AGTPBP1: variants seen among roughly 807,000 people sequenced by gnomAD.
AGTPBP1 encodes cytosolic carboxypeptidase 1.
AGTPBP1 carries 70 observed loss-of-function variants against 143.9 expected under a neutral mutation model. The ratio of observed to expected loss-of-function variants is 0.49; its 90% confidence interval spans 0.40 to 0.59. The LOEUF is 0.59. AGTPBP1 is among the 20% of genes least tolerant of loss of function. AGTPBP1 has a pLI of 0.00. For synonymous variants in AGTPBP1, 463 were observed against 500.2 expected, an observed-to-expected ratio of 0.93 and a Z score of 0.99; for missense variants, 1,229 against 1,464.5, an observed-to-expected ratio of 0.84 and a Z score of 2.62.
At chr9:85,688,345 T>C (rs963118805) in intron 3 of AGTPBP1, among the ~76,000 whole-genome samples, 2 of 152,080 alleles carry the variant, frequency 1.3e-5, no homozygotes, top group Non-Finnish European at 2.9e-5. Context: ...GGCTGATCTA[T>C]ATATTATAGA....
the AGTPBP1 span, among the ~76,000 whole-genome samples, chr9:85,761,257 G>A: frequency 6.6e-6 from 1 of 152,172 alleles, no homozygotes; most frequent in Non-Finnish European, 1.5e-5. Context: ...TTTCTTCACA[G>A]AATTGGAAAA....
At chr9:85,803,515 G>A in the AGTPBP1 span, among the ~76,000 whole-genome samples, 1 of 152,154 alleles carries the variant, frequency 6.6e-6, no homozygotes, top group East Asian at 1.9e-4. Flanking sequence ...TGCTGGTTCA[G>A]CAGGTCTGGG....
At chr9:85,764,597 A>G in the AGTPBP1 span, 1 of 568,854 alleles carries the variant, frequency 1.8e-6, no homozygotes, top group African/African-American at 1.9e-5. Context: ...CAATAATGTA[A>G]AAACTAAAAA....
the AGTPBP1 span, among the ~76,000 whole-genome samples, chr9:85,798,057 A>ATTT: frequency 1.9e-4 from 26 of 135,600 alleles, no homozygotes; most frequent in African/African-American, 7.0e-4. Flanking sequence ...CACATCGGCT[A>ATTT]TTTTTTTTTT....
chr9:85,794,394 G>A, the AGTPBP1 span, among the ~76,000 whole-genome samples: 2 of 152,102 alleles, frequency 1.3e-5, no homozygotes, highest in Non-Finnish European at 1.5e-5. Context: ...ATCCAGTTGT[G>A]TCAATACAAT....
chr9:85,566,303 C>T (rs1045702231), intron 25 of AGTPBP1, among the ~76,000 whole-genome samples: 9 of 151,354 alleles, frequency 5.9e-5, no homozygotes, highest in African/African-American at 1.9e-4. Context: ...GAAGACTGCT[C>T]GAGCCCAGGA....
intron 25 of AGTPBP1, among the ~76,000 whole-genome samples, chr9:85,552,709 A>G (rs1244618255): frequency 6.6e-6 from 1 of 152,226 alleles, no homozygotes; most frequent in Non-Finnish European, 1.5e-5. Flanking sequence ...ACCTTTCTCA[A>G]TTCCTAAAGA....
the AGTPBP1 span, among the ~76,000 whole-genome samples, chr9:85,764,156 C>T: frequency 2.0e-5 from 3 of 149,640 alleles, no homozygotes; most frequent in Non-Finnish European, 4.4e-5. Flanking sequence ...AAAACCTAGT[C>T]AAGGCAATTC....
intron 3 of AGTPBP1, among the ~76,000 whole-genome samples, 167 bp downstream of exon 3, chr9:85,692,522 C>T (rs1049542424): frequency 6.6e-6 from 1 of 152,104 alleles, no homozygotes; most frequent in Non-Finnish European, 1.5e-5. Flanking sequence ...GATCTGCCCA[C>T]CTTGGCCTCC....
chr9:85,738,872 G>A (rs1824013698), intron 1 of AGTPBP1, among the ~76,000 whole-genome samples: 1 of 151,838 alleles, frequency 6.6e-6, no homozygotes, highest in African/African-American at 2.4e-5. Context: ...TCCTTTTTCT[G>A]CTTACTAGAT....
At chr9:85,721,319 G>T (rs1192638975) in intron 1 of AGTPBP1, among the ~76,000 whole-genome samples, 1 of 152,058 alleles carries the variant, frequency 6.6e-6, no homozygotes, top group Non-Finnish European at 1.5e-5. Context: ...TGGTCTCTAA[G>T]GACTTGCTTT....
Position 85,618,998 on chromosome 9 carries a change from T to G in AGTPBP1, c.2320A>C (p.Ser774Arg). The change falls in exon 17 of 26, where the codon AGT (serine) becomes CGT (arginine). Residue 774 changes from serine to arginine, a missense_variant. This residue lies in a region of AGTPBP1 where 486 missense variants were observed against 652.3 expected (regional missense o/e 0.75). Coordinates refer to ENST00000357081, the MANE Select transcript of AGTPBP1 (RefSeq NM_001330701.2). ...ACTGTCTTACCATAATTAAACTGACTGTTGGACTTTTCACAGTTAATGATG... is the reference window on the plus strand; with the variant it reads ...ACTGTCTTACCATAATTAAACTGACGGTTGGACTTTTCACAGTTAATGATG... ...FNIINCEKSN[S>R]QFNYGMQPLM... is the part of the protein sequence containing the mutation. The G allele has an allele frequency of 3.1e-6, 5 of 1,613,388 alleles. No homozygotes were observed. Among genetic ancestry groups the G allele is most frequent in the Non-Finnish European group, 4.2e-6 (5 of 1,179,696 alleles).
At chr9:85,621,595 T>C (rs1564072268) in intron 14 of AGTPBP1, among the ~76,000 whole-genome samples, 1 of 151,998 alleles carries the variant, frequency 6.6e-6, no homozygotes, top group African/African-American at 2.4e-5. Context: ...GGTTTCGCTA[T>C]CTAACCCTTG....
At chr9:85,757,181 C>A in the AGTPBP1 span, among the ~76,000 whole-genome samples, 18 of 152,270 alleles carry the variant, frequency 1.2e-4, no homozygotes, top group South Asian at 2.1e-4. Flanking sequence ...ATTCTCCCGT[C>A]TCAGCCTCCC....
chr9:85,776,800 G>A, the AGTPBP1 span, among the ~76,000 whole-genome samples: 5 of 152,160 alleles, frequency 3.3e-5, no homozygotes, highest in African/African-American at 1.2e-4. Flanking sequence ...CCAGCAGAAC[G>A]TAATGTTGTG....
chr9:85,668,846 T>G (rs1188805712), intron 8 of AGTPBP1, among the ~76,000 whole-genome samples: 1 of 151,360 alleles, frequency 6.6e-6, no homozygotes, highest in East Asian at 1.9e-4. Context: ...AAAAAAAATT[T>G]TAAAGAAAGA....
At chr9:85,599,203 G>C (rs1477721296) in intron 17 of AGTPBP1, among the ~76,000 whole-genome samples, 4 of 151,920 alleles carry the variant, frequency 2.6e-5, no homozygotes, top group Non-Finnish European at 5.9e-5. Flanking sequence ...GGGACAGAAG[G>C]AGAGAGGGAG....
At chr9:85,699,057 A>G (rs1194390315) in intron 2 of AGTPBP1, among the ~76,000 whole-genome samples, 1 of 152,158 alleles carries the variant, frequency 6.6e-6, no homozygotes, top group African/African-American at 2.4e-5. Flanking sequence ...TATATATGTA[A>G]CAGTGAGAAA....
chr9:85,770,898 C>T, the AGTPBP1 span, among the ~76,000 whole-genome samples: 2 of 151,932 alleles, frequency 1.3e-5, no homozygotes, highest in African/African-American at 4.8e-5. Flanking sequence ...GGAATCTGTA[C>T]TTTCTCATCA....
Sources: gnomAD v4.1 joint callset for allele counts (sites outside exome capture counted in the v4.1 genomes callset) on GRCh38, gnomAD v4.1.1 for gene constraint, gnomAD v4.1.1 regional missense constraint, MANE v1.5 for transcripts, NCBI Gene and HGNC (gene_info 2026-07-23, HGNC 2026-07-21) for gene names.